Variants in MEF2C observed in about 807,000 individuals in gnomAD.
MEF2C encodes myocyte enhancer factor 2C, also known as myocyte-specific enhancer factor 2C.
A neutral mutation model predicts 50.5 loss-of-function variants in MEF2C; 6 were observed. That is an observed-to-expected ratio of 0.12 (90% CI 0.07 to 0.23). The LOEUF (loss-of-function observed/expected upper bound fraction) is 0.23. Among genes scored for constraint, MEF2C ranks in the 10% least tolerant of loss-of-function variants. The pLI is 1.00. For missense variants in MEF2C, 276 were observed against 605.0 expected, an observed-to-expected ratio of 0.46 and a Z score of 5.70; for synonymous variants, 183 against 228.0, an observed-to-expected ratio of 0.80 and a Z score of 1.78.
At chr5:88,868,703 C>T (rs544083414) in intron 1 of MEF2C, among the ~76,000 whole-genome samples, 3 of 152,244 alleles carry the variant, frequency 2.0e-5, no homozygotes, top group African/African-American at 7.2e-5. Flanking sequence ...TATCAGTTCA[C>T]CACCTATGAT....
chr5:88,768,317 C>A (rs1281628739), intron 3 of MEF2C, among the ~76,000 whole-genome samples: 1 of 152,170 alleles, frequency 6.6e-6, no homozygotes, highest in Non-Finnish European at 1.5e-5. Context: ...GAATGGAACA[C>A]ACATTTCCAC....
chr5:88,900,405 T>C (rs1330672391), intron 1 of MEF2C, among the ~76,000 whole-genome samples: 2 of 151,754 alleles, frequency 1.3e-5, no homozygotes, highest in African/African-American at 4.8e-5. Context: ...TTACTCCCAA[T>C]CTTAAAAAAA....
intron 1 of MEF2C, among the ~76,000 whole-genome samples, chr5:88,898,830 G>A (rs565726408): frequency 3.3e-5 from 5 of 152,114 alleles, no homozygotes; most frequent in Non-Finnish European, 5.9e-5. Flanking sequence ...GAACTCCCCA[G>A]CTGTATTTAT....
At chr5:88,866,348 C>T (rs1827375736) in intron 1 of MEF2C, among the ~76,000 whole-genome samples, 1 of 152,118 alleles carries the variant, frequency 6.6e-6, no homozygotes, top group Non-Finnish European at 1.5e-5. Flanking sequence ...GGAAATTTGG[C>T]AAGGAATCCA....
chr5:88,869,251 T>TCATATATATATATATATATATATATA (rs1265835097), intron 1 of MEF2C, among the ~76,000 whole-genome samples: 45 of 76,074 alleles, frequency 5.9e-4, no homozygotes, highest in South Asian at 2.1e-3. Context: ...AAACTAGTTT[T>TCATATATATATATATATATATATATA]CATATATATA....
rs574944115 is a variant in MEF2C at position 88,759,896 on chromosome 5, G to A, written c.402+1289C>T. 6.6e-5 allele frequency among the ~76,000 whole-genome samples: 10 copies of A among 152,326 alleles called. No individual in the cohort carries two copies. The South Asian group carries it at 1.9e-3, about 28-fold the overall frequency. On this transcript the variant is annotated intron_variant, in intron 4 of 10. Coordinates refer to ENST00000504921, the MANE Select transcript of MEF2C (RefSeq NM_002397.5). ...CAGGTTTGAGTGTGCAGCTACTATG[G>A]TAAAGTATTAATTTATCTTGTGAGT... is the stretch of plus-strand genomic sequence containing the variant.
chr5:88,869,990 A>G (rs1829022719), intron 1 of MEF2C, among the ~76,000 whole-genome samples: 1 of 151,654 alleles, frequency 6.6e-6, no homozygotes, highest in Non-Finnish European at 1.5e-5. Context: ...ACTTACGGCC[A>G]TATCCTAAGT....
intron 1 of MEF2C, among the ~76,000 whole-genome samples, chr5:88,871,582 C>T (rs1829528599): frequency 6.6e-6 from 1 of 151,910 alleles, no homozygotes; most frequent in Non-Finnish European, 1.5e-5. Flanking sequence ...TTGCAACTAG[C>T]CAGGTTGTAT....
intron 3 of MEF2C, among the ~76,000 whole-genome samples, chr5:88,804,237 G>T (rs965934599): frequency 5.9e-5 from 9 of 152,130 alleles, no homozygotes; most frequent in Non-Finnish European, 1.0e-4. Flanking sequence ...TAAAATAAAT[G>T]ATCAGAAGTG....
intron 2 of MEF2C, among the ~76,000 whole-genome samples, chr5:88,814,510 GC>G (rs1804436689): frequency 6.6e-6 from 1 of 151,952 alleles, no homozygotes; most frequent in Non-Finnish European, 1.5e-5. Context: ...GTCCTCGTTA[GC>G]CTCAAGCAAA....
chr5:88,879,075 A>G (rs902192045), intron 1 of MEF2C, among the ~76,000 whole-genome samples: 1 of 152,076 alleles, frequency 6.6e-6, no homozygotes, highest in Non-Finnish European at 1.5e-5. Context: ...TAGTGCACAG[A>G]AAATTAAACA....
intron 1 of MEF2C, among the ~76,000 whole-genome samples, chr5:88,836,647 G>A (rs1265967406): frequency 6.6e-6 from 1 of 152,216 alleles, no homozygotes; most frequent in Non-Finnish European, 1.5e-5. Flanking sequence ...AGAGTGAGCT[G>A]AGACAGTTTC....
At chr5:88,843,569 C>A (rs1393879292) in intron 1 of MEF2C, 1 of 634,842 alleles carries the variant, frequency 1.6e-6, no homozygotes, top group Non-Finnish European at 2.0e-6. Context: ...AATTTCTCCA[C>A]AACAAAGTGA....
At chr5:88,825,609 G>C in intron 1 of MEF2C, 1 of 984,182 alleles carries the variant, frequency 1.0e-6, no homozygotes. Context: ...AACCCACAAA[G>C]CATAATTGCA....
chr5:88,769,567 A>G (rs995461880), intron 3 of MEF2C, among the ~76,000 whole-genome samples: 1 of 152,300 alleles, frequency 6.6e-6, no homozygotes, highest in East Asian at 1.9e-4. Flanking sequence ...TGAAATACTA[A>G]AGAGAGAACA....
chr5:88,739,217 T>C, intron 6 of MEF2C: 1 of 979,902 alleles, frequency 1.0e-6, no homozygotes. Flanking sequence ...AATTTGTTAA[T>C]AGTATCTGAT....
chr5:88,814,243 A>C (rs1334391192), intron 2 of MEF2C, among the ~76,000 whole-genome samples: 1 of 151,182 alleles, frequency 6.6e-6, no homozygotes, highest in Non-Finnish European at 1.5e-5. Context: ...ATTTTGTTTA[A>C]TTCAGTCTGT....
At chr5:88,844,114 C>T (rs535262774) in intron 1 of MEF2C, among the ~76,000 whole-genome samples, 22 of 152,266 alleles carry the variant, frequency 1.4e-4, no homozygotes, top group Non-Finnish European at 2.8e-4. Flanking sequence ...CCCTGCGAAA[C>T]AATTTTAAAT....
At chr5:88,885,618 C>A (rs1026258179), upstream of MEF2C, among the ~76,000 whole-genome samples, 2 of 152,012 alleles carry the variant, frequency 1.3e-5, no homozygotes, top group African/African-American at 2.4e-5. Context: ...CTCTGAAAAT[C>A]CAAAAATTTA....
Sources: gnomAD v4.1 joint callset for allele counts (sites outside exome capture counted in the v4.1 genomes callset) on GRCh38, gnomAD v4.1.1 for gene constraint, MANE v1.5 for transcripts, NCBI Gene and HGNC (gene_info 2026-07-23, HGNC 2026-07-21) for gene names.